Variants in CPQ observed in about 807,000 individuals in gnomAD.
The protein encoded by CPQ is Ser-Met dipeptidase.
In CPQ, 37 loss-of-function variants were observed where a neutral mutation model predicts 45.7. The observed-to-expected ratio is 0.81, with a 90% CI of 0.62 to 1.07. The LOEUF is 1.07. CPQ is among the 50% of genes least tolerant of loss of function. CPQ has a pLI of 0.00. For synonymous variants in CPQ, 186 were observed against 205.8 expected, an observed-to-expected ratio of 0.90 and a Z score of 0.82; for missense variants, 537 against 572.9, an observed-to-expected ratio of 0.94 and a Z score of 0.64.
At chr8:96,857,570 A>G (rs1319800364) in intron 3 of CPQ, among the ~76,000 whole-genome samples, 1 of 152,240 alleles carries the variant, frequency 6.6e-6, no homozygotes, top group Non-Finnish European at 1.5e-5. Flanking sequence ...GAATGCTTGA[A>G]TAGTGCAGCA....
At chr8:97,081,488 T>G (rs1046778228) in intron 7 of CPQ, among the ~76,000 whole-genome samples, 1 of 152,162 alleles carries the variant, frequency 6.6e-6, no homozygotes, top group Non-Finnish European at 1.5e-5. Flanking sequence ...CTTTTAAAAT[T>G]ATCTCAGTGC....
At chr8:96,775,497 G>T (rs1031158689) in intron 1 of CPQ, among the ~76,000 whole-genome samples, 1 of 152,102 alleles carries the variant, frequency 6.6e-6, no homozygotes, top group African/African-American at 2.4e-5. Flanking sequence ...GGTGTTTCCA[G>T]TACCACAGGC....
At chr8:97,021,003 G>A (rs543504026) in intron 5 of CPQ, among the ~76,000 whole-genome samples, 6 of 152,054 alleles carry the variant, frequency 3.9e-5, no homozygotes, top group South Asian at 4.2e-4. Flanking sequence ...ATCCAACAAC[G>A]TATCAAAAAG....
At chr8:96,916,327 T>C (rs775541840) in intron 4 of CPQ, among the ~76,000 whole-genome samples, 16 of 152,122 alleles carry the variant, frequency 1.1e-4, no homozygotes, top group Non-Finnish European at 2.4e-4. Flanking sequence ...TTCAGAAAGT[T>C]CCAGTATTCA....
chr8:97,118,156 G>A (rs1811626871), intron 7 of CPQ, among the ~76,000 whole-genome samples: 1 of 152,298 alleles, frequency 6.6e-6, no homozygotes, highest in African/African-American at 2.4e-5. Flanking sequence ...GTACATCAAA[G>A]AGATCATTTA....
chr8:96,673,107 C>T (rs1218246410), intron 1 of CPQ, among the ~76,000 whole-genome samples: 1 of 152,040 alleles, frequency 6.6e-6, no homozygotes, highest in African/African-American at 2.4e-5. Flanking sequence ...TAGATGTTAC[C>T]AGTGGAGTCT....
chr8:97,084,812 C>CTGTGTGTGTGTGTGTG (rs140213784), intron 7 of CPQ, among the ~76,000 whole-genome samples: 4 of 150,454 alleles, frequency 2.7e-5, no homozygotes, highest in African/African-American at 9.9e-5. Context: ...TGTGTATACT[C>CTGTGTGTGTGTGTGTG]TGTGTGTGTG....
chr8:96,882,108 G>A (rs1259919680), intron 4 of CPQ, among the ~76,000 whole-genome samples: 2 of 152,108 alleles, frequency 1.3e-5, no homozygotes, highest in Non-Finnish European at 2.9e-5. Context: ...CAGGACTCAG[G>A]ACTTCTCCCA....
At chr8:96,945,849 C>G (rs1813181410) in intron 4 of CPQ, among the ~76,000 whole-genome samples, 1 of 152,162 alleles carries the variant, frequency 6.6e-6, no homozygotes, top group Admixed American at 6.5e-5. Flanking sequence ...TAAGCAAGTT[C>G]TCCACACTAT....
At chr8:96,917,027 C>CT (rs1812742927) in intron 4 of CPQ, among the ~76,000 whole-genome samples, 1 of 151,972 alleles carries the variant, frequency 6.6e-6, no homozygotes, top group African/African-American at 2.4e-5. Flanking sequence ...GGTTCTCTTT[C>CT]TTTTTTTTCC....
intron 6 of CPQ, among the ~76,000 whole-genome samples, chr8:97,044,790 A>G (rs1302760888): frequency 6.6e-6 from 1 of 152,208 alleles, no homozygotes; most frequent in East Asian, 1.9e-4. Flanking sequence ...CGGTGGCTGC[A>G]GAACAGCGGA....
At chr8:96,885,639 A>G (rs918745472) in intron 4 of CPQ, among the ~76,000 whole-genome samples, 5 of 152,234 alleles carry the variant, frequency 3.3e-5, no homozygotes, top group Non-Finnish European at 7.3e-5. Context: ...GTATTAGTAC[A>G]TTTCAAAACC....
intron 1 of CPQ, among the ~76,000 whole-genome samples, chr8:96,760,617 A>G (rs920689631): frequency 2.6e-5 from 4 of 152,184 alleles, no homozygotes; most frequent in African/African-American, 7.2e-5. Flanking sequence ...AATGCATTAT[A>G]ATCAGTACTC....
At chr8:96,871,920 T>G (rs1161863242) in intron 3 of CPQ, among the ~76,000 whole-genome samples, 1 of 151,904 alleles carries the variant, frequency 6.6e-6, no homozygotes, top group Non-Finnish European at 1.5e-5. Context: ...ATTTTTTCTT[T>G]TTTTACGATA....
chr8:96,763,595 G>A (rs1286448814), intron 1 of CPQ, among the ~76,000 whole-genome samples: 1 of 152,056 alleles, frequency 6.6e-6, no homozygotes, highest in Non-Finnish European at 1.5e-5. Flanking sequence ...GTCACAGACA[G>A]GGAGAATATA....
intron 4 of CPQ, among the ~76,000 whole-genome samples, chr8:96,952,258 C>T (rs774365347): frequency 6.6e-6 from 1 of 152,128 alleles, no homozygotes; most frequent in Non-Finnish European, 1.5e-5. Context: ...GTCCTCAGCT[C>T]TGGGTCAAAC....
rs571651247 is a variant in CPQ, at chr8:96,802,515, AC to A, written c.433+17187del. ...TGATTTCTCCAGGAGAGCTGAATAG[AC>A]CAAGGCCTTGTGAGACTCTTTACAG... On this transcript the variant is annotated intron_variant, in intron 2 of 7. Coordinates refer to ENST00000220763, the MANE Select transcript of CPQ (RefSeq NM_016134.4). Among the ~76,000 whole-genome samples the A allele has an allele frequency of 1.4e-3, 218 of 152,314 alleles. 4 individuals carry two copies. Among genetic ancestry groups the A allele is most frequent in the Admixed American group, 0.011 (169 of 15,288 alleles).
chr8:96,722,122 A>G lies in CPQ; in HGVS notation c.-34-62742A>G, dbSNP rs187140730. 1.9e-4 allele frequency among the ~76,000 whole-genome samples: 29 copies of G among 152,342 alleles called. No homozygotes were observed. The East Asian group carries it at 5.0e-3, about 26-fold the overall frequency. On this transcript the variant is annotated intron_variant, in intron 1 of 7. Coordinates refer to ENST00000220763, the MANE Select transcript of CPQ (RefSeq NM_016134.4). ...GATTTTATTTGTCTTGTCCAGTGCT[A>G]TATCCATAGTGCTTAGTACAATGCA...
chr8:96,680,891 T>C (rs1809141757), intron 1 of CPQ, among the ~76,000 whole-genome samples: 1 of 152,110 alleles, frequency 6.6e-6, no homozygotes, highest in African/African-American at 2.4e-5. Context: ...AAGCAAAGGT[T>C]ATGTTTTAGA....
Sources: gnomAD v4.1 joint callset for allele counts (sites outside exome capture counted in the v4.1 genomes callset) on GRCh38, gnomAD v4.1.1 for gene constraint, MANE v1.5 for transcripts, NCBI Gene and HGNC (gene_info 2026-07-23, HGNC 2026-07-21) for gene names.